CPSF4L: variants seen among roughly 807,000 people sequenced by gnomAD.
CPSF4L encodes cleavage and polyadenylation specific factor 4 like, also known as putative cleavage and polyadenylation specificity factor subunit 4-like protein.
Under a neutral mutation model 24.0 loss-of-function variants are expected in CPSF4L, and 18 were observed. The observed-to-expected ratio is 0.75, with a 90% confidence interval of 0.52 to 1.11. CPSF4L has a LOEUF of 1.11. Ranked by LOEUF, CPSF4L falls within the 50% of genes least tolerant of loss-of-function variation. The pLI is 0.00. For missense variants in CPSF4L, 211 were observed against 221.8 expected, an observed-to-expected ratio of 0.95 and a Z score of 0.31; for synonymous variants, 72 against 77.2, an observed-to-expected ratio of 0.93 and a Z score of 0.35.
At chr17:73,263,153 A>G (rs1016588554), upstream of CPSF4L, among the ~76,000 whole-genome samples, 3 of 152,210 alleles carry the variant, frequency 2.0e-5, no homozygotes, top group Non-Finnish European at 4.4e-5. Flanking sequence ...GTTGATTAGT[A>G]GTCCCAAGAA....
downstream of CPSF4L, chr17:73,245,183 G>T (rs150601360): frequency 2.3e-5 from 36 of 1,573,094 alleles, no homozygotes; most frequent in Non-Finnish European, 3.1e-5. Flanking sequence ...CAGCGGTGGC[G>T]TAAGTAGTGT....
downstream of CPSF4L, among the ~76,000 whole-genome samples, chr17:73,246,643 C>A (rs926149984): frequency 2.6e-5 from 4 of 152,198 alleles, no homozygotes; most frequent in African/African-American, 9.7e-5. Context: ...TTTTACCTAC[C>A]TTTTCTATTC....
downstream of CPSF4L, among the ~76,000 whole-genome samples, chr17:73,243,967 A>G (rs753274416): frequency 6.6e-6 from 1 of 152,176 alleles, no homozygotes; most frequent in Admixed American, 6.5e-5. Flanking sequence ...TACACCACAA[A>G]AGAGAGAAGG....
At chr17:73,243,890 G>C (rs1378165684), downstream of CPSF4L, among the ~76,000 whole-genome samples, 1 of 152,082 alleles carries the variant, frequency 6.6e-6, no homozygotes, top group South Asian at 2.1e-4. Flanking sequence ...CTGTTACCCT[G>C]CTCCAATGGA....
intron 5 of CPSF4L, among the ~76,000 whole-genome samples, chr17:73,250,589 T>C (rs1323718635): frequency 6.6e-6 from 1 of 152,190 alleles, no homozygotes; most frequent in African/African-American, 2.4e-5. Flanking sequence ...CAGGACAGTT[T>C]AGAAGCTATG....
intron 2 of CPSF4L, among the ~76,000 whole-genome samples, chr17:73,258,071 G>A (rs1370946663): frequency 1.3e-5 from 2 of 151,318 alleles, no homozygotes; most frequent in Non-Finnish European, 2.9e-5. Flanking sequence ...GTGCAGCGGC[G>A]CGATCTTGGC....
intron 5 of CPSF4L, among the ~76,000 whole-genome samples, chr17:73,251,660 T>C (rs2062006473): frequency 6.6e-6 from 1 of 152,240 alleles, no homozygotes; most frequent in African/African-American, 2.4e-5. Flanking sequence ...CTGGAATTAA[T>C]TTCACATGTC....
downstream of CPSF4L, chr17:73,247,264 T>C: frequency 3.1e-6 from 5 of 1,614,230 alleles, no homozygotes; most frequent in South Asian, 1.1e-5. Context: ...ACCCCTGCCC[T>C]GGAAGAGCAC....
At chr17:73,245,145 C>G, downstream of CPSF4L, 2 of 1,613,008 alleles carry the variant, frequency 1.2e-6, no homozygotes, top group Non-Finnish European at 1.7e-6. Context: ...CGGATCCTTA[C>G]ATTTGTCTCT....
In CPSF4L at chr17:73,259,875, T is replaced by C. The variant is rs147092685; in HGVS notation, c.154+1058A>G. On this transcript the variant is annotated intron_variant, in intron 2 of 5. Coordinates refer to ENST00000344935, the MANE Select transcript of CPSF4L (RefSeq NM_001129885.1). ...CACCAGTGAGATTTCTTAACCTAAATGTATAGGCAAGCGGGAGGAAGACAG... is the reference window on the plus strand; with the variant it reads ...CACCAGTGAGATTTCTTAACCTAAACGTATAGGCAAGCGGGAGGAAGACAG... Among the ~76,000 whole-genome samples, 563 of 152,244 alleles carry C rather than the reference T, an allele frequency of 3.7e-3. 3 individuals carry two copies. The highest frequency in any genetic ancestry group is 0.013 in the African/African-American group (541 of 41,532).
chr17:73,242,850 C>T, the CPSF4L span: 1 of 1,506,876 alleles, frequency 6.6e-7, no homozygotes, highest in Non-Finnish European at 9.1e-7. Context: ...GATACTGGCC[C>T]TAGTTTCAGT....
chr17:73,245,289 G>T, downstream of CPSF4L: 1 of 1,492,308 alleles, frequency 6.7e-7, no homozygotes. Context: ...TATAATATTT[G>T]GGACAGGGAG....
chr17:73,261,264 CTCTT>C (rs1400291828), intron 1 of CPSF4L, among the ~76,000 whole-genome samples: 1 of 152,238 alleles, frequency 6.6e-6, no homozygotes, highest in African/African-American at 2.4e-5. Context: ...CTCTGTGCCT[CTCTT>C]TCTCAGTCTG....
At chr17:73,243,262 C>G in the CPSF4L span, 1 of 443,226 alleles carries the variant, frequency 2.3e-6, no homozygotes, top group South Asian at 1.9e-5. Flanking sequence ...TCAAGTGATT[C>G]TCCTGCCTCA....
chr17:73,246,758 T>C (rs2061956180), downstream of CPSF4L, among the ~76,000 whole-genome samples: 1 of 152,218 alleles, frequency 6.6e-6, no homozygotes, highest in Admixed American at 6.5e-5. Context: ...TAGAATTCTC[T>C]GTAAGGAAAA....
intron 1 of CPSF4L, among the ~76,000 whole-genome samples, chr17:73,261,313 G>C (rs2062044119): frequency 6.6e-6 from 1 of 152,270 alleles, no homozygotes. Flanking sequence ...AGAAGAGAGA[G>C]ACAGAGAAGG....
intron 5 of CPSF4L, chr17:73,251,236 GT>G: frequency 9.0e-7 from 1 of 1,114,352 alleles, no homozygotes. Flanking sequence ...TTTAGTTACA[GT>G]TTTAAGTGCC....
At chr17:73,263,215 C>T (rs1330183752), upstream of CPSF4L, among the ~76,000 whole-genome samples, 2 of 152,162 alleles carry the variant, frequency 1.3e-5, no homozygotes, top group Admixed American at 6.5e-5. Context: ...AGCCTGGCAG[C>T]GCAGGCAGGA....
downstream of CPSF4L, chr17:73,247,308 T>G: frequency 6.2e-7 from 1 of 1,614,150 alleles, no homozygotes. Context: ...CGAAGACGAC[T>G]GGGGATTGCC....
Sources: allele counts gnomAD v4.1 joint callset (sites outside exome capture counted in the v4.1 genomes callset), GRCh38; gene constraint gnomAD v4.1.1; transcripts MANE v1.5; gene names NCBI Gene and HGNC (gene_info 2026-07-23, HGNC 2026-07-21).